The following FHIT variants were observed in gnomAD, a reference collection of about 807,000 sequenced individuals.
FHIT encodes the protein bis(5'-adenosyl)-triphosphatase.
FHIT carries 19 observed loss-of-function variants against 17.9 expected under a neutral mutation model. The ratio of observed to expected loss-of-function variants is 1.06; its 90% CI spans 0.74 to 1.56. The LOEUF is 1.56. Ranked by LOEUF, FHIT falls within the 40% of genes most tolerant of loss-of-function variation. FHIT has a pLI of 0.00. For missense variants in FHIT, 248 were observed against 189.2 expected (o/e 1.31, Z -1.82); for synonymous variants, 81 against 69.7 (o/e 1.16, Z -0.81).
intron 5 of FHIT, among the ~76,000 whole-genome samples, chr3:60,098,262 C>G (rs1704046580): frequency 7.0e-6 from 1 of 143,080 alleles, no homozygotes; most frequent in African/African-American, 2.6e-5. Flanking sequence ...AATGGTATTT[C>G]TAGTTCTAGA....
At chr3:59,928,579 A>C (rs1050410745) in intron 7 of FHIT, among the ~76,000 whole-genome samples, 3 of 152,264 alleles carry the variant, frequency 2.0e-5, no homozygotes, top group African/African-American at 7.2e-5. Context: ...AAATGGGCAA[A>C]GGATATGAAT....
chr3:60,778,126 A>G (rs1434944923), intron 4 of FHIT, among the ~76,000 whole-genome samples: 1 of 152,214 alleles, frequency 6.6e-6, no homozygotes, highest in Non-Finnish European at 1.5e-5. Context: ...AATAATGCCA[A>G]TATATGTTCC....
chr3:60,562,552 A>C (rs192911903), intron 4 of FHIT, among the ~76,000 whole-genome samples: 1 of 152,274 alleles, frequency 6.6e-6, no homozygotes, highest in Admixed American at 6.5e-5. Flanking sequence ...ACTGACTATT[A>C]TTAGGAAAAT....
rs929523333 is a variant in FHIT at position 60,186,589 on chromosome 3, C to T, written c.104-172437G>A. Among the ~76,000 whole-genome samples, 3 of 152,118 alleles carry T rather than the reference C, an allele frequency of 2.0e-5. 1 individual carries two copies. Among genetic ancestry groups the T allele is most frequent in the South Asian group, 4.1e-4 (2 of 4,820 alleles). On this transcript the variant is annotated intron_variant, in intron 5 of 9. Coordinates refer to ENST00000492590, the MANE Select transcript of FHIT (RefSeq NM_002012.4). ...AACCAAGAATGTTACACAGTCATAACGGAGGTGGGCTGCGTACAGAACACC... is the reference window on the plus strand; with the variant it reads ...AACCAAGAATGTTACACAGTCATAATGGAGGTGGGCTGCGTACAGAACACC...
At chr3:60,101,583 T>G (rs1178890324) in intron 5 of FHIT, among the ~76,000 whole-genome samples, 1 of 152,234 alleles carries the variant, frequency 6.6e-6, no homozygotes, top group Non-Finnish European at 1.5e-5. Context: ...CTGCAATGAT[T>G]GTCTTTACGT....
intron 3 of FHIT, among the ~76,000 whole-genome samples, chr3:60,986,210 C>G (rs1710714244): frequency 6.6e-6 from 1 of 152,170 alleles, no homozygotes; most frequent in Non-Finnish European, 1.5e-5. Flanking sequence ...TTCAGTCTAC[C>G]ACACCAAGTG....
chr3:59,979,488 GC>G (rs201931429), intron 7 of FHIT, among the ~76,000 whole-genome samples: 4,408 of 152,202 alleles, frequency 0.029, 84 homozygotes, highest in African/African-American at 0.054. Flanking sequence ...AAAGCATTTT[GC>G]AAAACACCAG....
At chr3:60,682,818 T>C (rs566201430) in intron 4 of FHIT, among the ~76,000 whole-genome samples, 1 of 152,330 alleles carries the variant, frequency 6.6e-6, no homozygotes, top group African/African-American at 2.4e-5. Context: ...CAGATTGATC[T>C]GGGCAAAGTA....
At chr3:60,161,159 A>G (rs1488338852) in intron 5 of FHIT, among the ~76,000 whole-genome samples, 1 of 152,134 alleles carries the variant, frequency 6.6e-6, no homozygotes, top group Non-Finnish European at 1.5e-5. Context: ...TGGTCTCTCT[A>G]TTTTTATCTG....
chr3:60,524,647 G>C (rs1471420995), intron 5 of FHIT, among the ~76,000 whole-genome samples: 1 of 152,108 alleles, frequency 6.6e-6, no homozygotes, highest in Non-Finnish European at 1.5e-5. Context: ...GTGTCAGCAG[G>C]GCCACGCTCC....
chr3:60,370,264 G>A (rs1193551040), intron 5 of FHIT, among the ~76,000 whole-genome samples: 2 of 152,152 alleles, frequency 1.3e-5, no homozygotes, highest in Non-Finnish European at 2.9e-5. Flanking sequence ...AGAACTTGAG[G>A]TCAAGCAAAG....
intron 5 of FHIT, among the ~76,000 whole-genome samples, chr3:60,182,230 G>C (rs910926475): frequency 6.6e-6 from 1 of 152,102 alleles, no homozygotes; most frequent in Non-Finnish European, 1.5e-5. Context: ...ATCTGAAAAC[G>C]GGATTGACTA....
At chr3:60,709,392 T>C (rs113462115) in intron 4 of FHIT, among the ~76,000 whole-genome samples, 84 of 152,294 alleles carry the variant, frequency 5.5e-4, no homozygotes, top group African/African-American at 1.9e-3. Context: ...AATATTTTAA[T>C]AGCCTTTTCA....
chr3:60,347,689 G>GGT (rs1553750581), intron 5 of FHIT, among the ~76,000 whole-genome samples: 4,939 of 85,032 alleles, frequency 0.058, 389 homozygotes, highest in Non-Finnish European at 0.093. Flanking sequence ...GGGGGGGGGG[G>GGT]TTTGTTTTTT....
chr3:60,640,298 T>C (rs1553685008), intron 4 of FHIT, among the ~76,000 whole-genome samples: 2 of 151,934 alleles, frequency 1.3e-5, no homozygotes, highest in Admixed American at 6.6e-5. Context: ...CCAATAAGCT[T>C]TTTTTTTCCT....
At chr3:61,003,626 T>C (rs2031247598) in intron 3 of FHIT, among the ~76,000 whole-genome samples, 1 of 152,238 alleles carries the variant, frequency 6.6e-6, no homozygotes, top group Non-Finnish European at 1.5e-5. Context: ...CCAGGGTATC[T>C]GCAATCAAGC....
At chr3:60,944,335 T>A (rs1708552396) in intron 3 of FHIT, among the ~76,000 whole-genome samples, 1 of 84,070 alleles carries the variant, frequency 1.2e-5, no homozygotes, top group Non-Finnish European at 3.0e-5. Flanking sequence ...TGAGTTTGTC[T>A]TTTTTTTTTC....
At chr3:60,878,220 C>T (rs144370619) in intron 3 of FHIT, among the ~76,000 whole-genome samples, 1 of 151,942 alleles carries the variant, frequency 6.6e-6, no homozygotes, top group African/African-American at 2.4e-5. Context: ...TGTGGGAAAC[C>T]TATATTTGAC....
intron 5 of FHIT, among the ~76,000 whole-genome samples, chr3:60,460,260 T>C (rs1423251510): frequency 1.3e-5 from 2 of 152,164 alleles, no homozygotes; most frequent in Non-Finnish European, 2.9e-5. Context: ...GTTATACTTA[T>C]TAGGAAAATC....
Sources: allele counts gnomAD v4.1 joint callset (sites outside exome capture counted in the v4.1 genomes callset), GRCh38; gene constraint gnomAD v4.1.1; transcripts MANE v1.5; gene names NCBI Gene and HGNC (gene_info 2026-07-23, HGNC 2026-07-21).